Variants in BRCA2 observed in about 807,000 individuals in gnomAD.
BRCA2 encodes the protein breast cancer type 2 susceptibility protein.
A neutral mutation model predicts 276.7 loss-of-function variants in BRCA2; 203 were observed. The observed-to-expected ratio is 0.73, with a 90% confidence interval of 0.65 to 0.82. BRCA2 has a LOEUF of 0.82. Ranked by LOEUF, BRCA2 falls within the 40% of genes least tolerant of loss-of-function variation. The probability of loss-of-function intolerance (pLI) is 0.00; values close to 1 mark genes in which losing one functional copy is unlikely to be tolerated. For missense variants in BRCA2, 3,920 were observed against 3,915.0 expected, an observed-to-expected ratio of 1.00 and a Z score of -0.03; for synonymous variants, 1,289 against 1,338.4, an observed-to-expected ratio of 0.96 and a Z score of 0.81.
At chr13:32,379,582 G>T (rs759418213) in intron 22 of BRCA2, 67 bp downstream of exon 22, 1 of 1,564,658 alleles carries the variant, frequency 6.4e-7, no homozygotes, top group Non-Finnish European at 8.7e-7. Context: ...CTAACAAAAT[G>T]ATTATAAATC....
intron 10 of BRCA2, among the ~76,000 whole-genome samples, chr13:32,334,556 T>G (rs1398397327): frequency 6.6e-6 from 1 of 151,810 alleles, no homozygotes; most frequent in Non-Finnish European, 1.5e-5. Context: ...CTTCTGATGT[T>G]GTAGCTACTC....
intron 13 of BRCA2, among the ~76,000 whole-genome samples, chr13:32,350,977 C>T (rs187681680): frequency 5.9e-5 from 9 of 152,118 alleles, no homozygotes; most frequent in Admixed American, 4.6e-4. Context: ...GGTTTGTAAA[C>T]GCACCGGTCA....
At chr13:32,396,876 G>A (rs2137658569) in intron 25 of BRCA2, 22 bp from the exon 26 acceptor site, 1 of 1,613,852 alleles carries the variant, frequency 6.2e-7, no homozygotes, top group East Asian at 2.2e-5. Context: ...TTATAAAGCA[G>A]CTTTTCCACT....
intron 3 of BRCA2, 101 bp downstream of exon 3, chr13:32,319,426 G>A (rs1419340707): frequency 3.3e-6 from 4 of 1,212,878 alleles, no homozygotes; most frequent in Admixed American, 2.0e-5. Flanking sequence ...GTCATGCTGG[G>A]CAAATCAGTC....
At chr13:32,318,956 TAAC>T in intron 2 of BRCA2, 118 bp from the exon 3 acceptor site, 1 of 1,349,668 alleles carries the variant, frequency 7.4e-7, no homozygotes, top group South Asian at 1.3e-5. Flanking sequence ...TAATATGCCT[TAAC>T]AAAAGTAATC....
intron 15 of BRCA2, 100 bp downstream of exon 15, chr13:32,356,709 TTAGTG>T: frequency 7.5e-7 from 1 of 1,340,406 alleles, no homozygotes; most frequent in South Asian, 1.2e-5. Context: ...AATGAACACA[TTAGTG>T]CAGGAATGGA....
In BRCA2 at chr13:32,338,630, T is replaced by TA. The variant is rs80359438; in HGVS notation, c.4276dup (p.Thr1426AsnfsTer12). 4 of 1,598,730 alleles carry TA rather than the reference T, an allele frequency of 2.5e-6. No individual in the cohort carries two copies. Among genetic ancestry groups the TA allele is most frequent in the Non-Finnish European group, 3.4e-6 (4 of 1,170,410 alleles). ...ATATAAAAGATTTTGAGACTTCTGA[T>TA]ACATTTTTTCAGACTGCAAGTGGGA... On this transcript the variant is annotated frameshift_variant, in exon 11 of 27. Transcript: ENST00000380152. LOFTEE classifies it high-confidence loss of function.
chr13:32,372,448 G>A (rs1008493969), intron 20 of BRCA2, among the ~76,000 whole-genome samples: 19 of 152,118 alleles, frequency 1.2e-4, no homozygotes, highest in Admixed American at 7.9e-4. Context: ...CAATCATGGC[G>A]GAAGGCAAAG....
At chr13:32,374,181 T>C (rs1212782875) in intron 20 of BRCA2, among the ~76,000 whole-genome samples, 1 of 152,180 alleles carries the variant, frequency 6.6e-6, no homozygotes, top group African/African-American at 2.4e-5. Flanking sequence ...CACAAAACCA[T>C]TTTTCCCTCC....
In BRCA2 at chr13:32,399,523, C is replaced by T. The variant is rs190094748; in HGVS notation, c.*753C>T. 145 of 182,800 alleles carry T rather than the reference C, an allele frequency of 7.9e-4. 2 individuals carry two copies. Among genetic ancestry groups the T allele is most frequent in the East Asian group, 5.0e-3 (56 of 11,200 alleles). 11.3% of individuals were successfully genotyped at this position (182,800 alleles called of 1,614,324 possible). ...TAACTCTAATTCCTTTTTACTATTC[C>T]AGTGTGATCTCTGAAATTAAATTAC... On this transcript the variant is annotated 3_prime_UTR_variant, in exon 27 of 27. Transcript: ENST00000380152.
chr13:32,369,905 T>C (rs978574151), intron 18 of BRCA2, among the ~76,000 whole-genome samples: 1 of 152,180 alleles, frequency 6.6e-6, no homozygotes, highest in Non-Finnish European at 1.5e-5. Flanking sequence ...ATAAAGCGCT[T>C]AACACCATGC....
chr13:32,395,962 T>TG (rs2073033885), intron 25 of BRCA2: 1 of 138,668 alleles, frequency 7.2e-6, no homozygotes, highest in Non-Finnish European at 1.4e-5. Flanking sequence ...CTTTCTTTCT[T>TG]TTTTTTTTTT....
At chr13:32,375,476 T>C (rs1001236909) in intron 20 of BRCA2, 6 of 368,322 alleles carry the variant, frequency 1.6e-5, no homozygotes, top group Admixed American at 6.1e-5. Flanking sequence ...TTTAGAATGG[T>C]GAATCCTTTC....
At chr13:32,331,382 C>T (rs1303811375) in intron 9 of BRCA2, among the ~76,000 whole-genome samples, 1 of 152,138 alleles carries the variant, frequency 6.6e-6, no homozygotes, top group African/African-American at 2.4e-5. Flanking sequence ...CCTTTCTTGA[C>T]TACTGAAGTA....
Position 32,398,810 on chromosome 13 carries a change from T to C in BRCA2, c.*40T>C. On this transcript the variant is annotated 3_prime_UTR_variant, in exon 27 of 27. Coordinates refer to ENST00000380152, the MANE Select transcript of BRCA2 (RefSeq NM_000059.4). Reference sequence around the variant, plus strand: ...GACAATAAATTATTGACGCTTAACCTTTCCAGTTTATAAGACTGGAATATA... The same window carrying C: ...GACAATAAATTATTGACGCTTAACCCTTCCAGTTTATAAGACTGGAATATA... 6.2e-7 allele frequency: 1 copy of C among 1,604,300 alleles called. No individual in the cohort carries two copies. The highest frequency in any genetic ancestry group is 8.5e-7 in the Non-Finnish European group (1 of 1,175,802).
At chr13:32,327,407 A>G (rs2072357865) in intron 7 of BRCA2, among the ~76,000 whole-genome samples, 2 of 152,274 alleles carry the variant, frequency 1.3e-5, no homozygotes, top group South Asian at 2.1e-4. Context: ...AGATTGTGCC[A>G]CTGCACTCCA....
rs747173903 is a variant in BRCA2 at position 32,398,692 on chromosome 13, A to G, written c.10179A>G (p.Glu3393=). The change falls in exon 27 of 27, where the codon GAA becomes GAG. Residue 3393 remains glutamate, a synonymous_variant. Transcript: ENST00000380152. The part of the protein sequence containing the change: ...KRRCTTSLIK[E]QESSQASTEE... ...GTTGTACTACATCTCTGATCAAAGA[A>G]CAGGAGAGTTCCCAGGCCAGTACGG... 3.1e-6 allele frequency: 5 copies of G among 1,614,192 alleles called. No homozygotes were observed. The highest frequency in any genetic ancestry group is 4.2e-6 in the Non-Finnish European group (5 of 1,180,022).
intron 10 of BRCA2, among the ~76,000 whole-genome samples, chr13:32,334,047 T>C (rs1253924878): frequency 6.6e-6 from 1 of 152,264 alleles, no homozygotes; most frequent in Non-Finnish European, 1.5e-5. Context: ...TGATTCCATG[T>C]CTGTGCTATT....
In BRCA2 at chr13:32,363,628, T is replaced by C. The variant is rs1266529126; in HGVS notation, c.8331+95T>C. On this transcript the variant is annotated intron_variant, in intron 18 of 26. Transcript: ENST00000380152. The stretch of plus-strand genomic sequence containing the variant: ...AATTTTAAATGCTTACTAAGGATGC[T>C]CAATTTCTTAGATGTACTGATAATT... The C allele has an allele frequency of 3.5e-6, 4 of 1,129,944 alleles. No individual in the cohort carries two copies. The East Asian group carries it at 7.6e-5, about 21-fold the overall frequency. The allele number at this position is 1,129,944 out of a possible 1,614,324, so 70.0% of individuals were successfully genotyped here.
Sources: gnomAD v4.1 joint callset for allele counts (sites outside exome capture counted in the v4.1 genomes callset) on GRCh38, gnomAD v4.1.1 for gene constraint, MANE v1.5 for transcripts, NCBI Gene and HGNC (gene_info 2026-07-23, HGNC 2026-07-21) for gene names.